Variants in CUX1 observed in about 807,000 individuals in gnomAD.
CUX1 encodes protein CASP.
A neutral mutation model predicts 158.8 loss-of-function variants in CUX1; 31 were observed. The ratio of observed to expected loss-of-function variants is 0.20; its 90% confidence interval spans 0.15 to 0.26. CUX1 has a LOEUF of 0.26. Ranked by LOEUF, CUX1 falls within the 10% of genes least tolerant of loss-of-function variation. The pLI is 1.00. For missense variants in CUX1, 1,589 were observed against 2,014.6 expected (o/e 0.79, Z 4.04); for synonymous variants, 879 against 862.1 (o/e 1.02, Z -0.34).
At chr7:102,026,646 C>A (rs1820057715) in intron 2 of CUX1, among the ~76,000 whole-genome samples, 2 of 151,326 alleles carry the variant, frequency 1.3e-5, no homozygotes, top group Admixed American at 6.6e-5. Flanking sequence ...ATGGTGAAAC[C>A]CCGTCTCTAC....
In CUX1 at chr7:102,257,640, C is replaced by G. The variant is rs1214952126; in HGVS notation, c.*8598C>G. 1.0e-6 allele frequency: 1 copy of G among 985,342 alleles called. No homozygotes were observed. The highest frequency in any genetic ancestry group is 6.1e-5 in the Admixed American group (1 of 16,270). 61.0% of individuals were successfully genotyped at this position (985,342 alleles called of 1,614,324 possible). A position where few individuals can be genotyped will look rare whatever the true frequency, so the allele number is the denominator to read the frequency against. ...TAGCACCACGCTCCTGTCCAGACTA[C>G]TAACAGCACAAGACGCACTCACAGG... On this transcript the variant is annotated 3_prime_UTR_variant, in exon 24 of 24. Coordinates refer to ENST00000292535, the MANE Select transcript of CUX1 (RefSeq NM_181552.4).
intron 2 of CUX1, among the ~76,000 whole-genome samples, chr7:102,025,854 G>A (rs373174332): frequency 1.2e-3 from 181 of 152,220 alleles, no homozygotes; most frequent in Non-Finnish European, 2.3e-3. Context: ...ACAAAATAAC[G>A]TGGGCTGTGA....
At chr7:102,281,860 C>A (rs1554549348) in exon 21 of CUX1, 2 of 1,613,380 alleles carry the variant, frequency 1.2e-6, no homozygotes, top group African/African-American at 2.7e-5. Flanking sequence ...TTCTCTCCAA[C>A]AAGATGGCGC....
At chr7:102,017,814 T>C (rs1173299765) in intron 2 of CUX1, among the ~76,000 whole-genome samples, 2 of 152,178 alleles carry the variant, frequency 1.3e-5, no homozygotes, top group East Asian at 1.9e-4. Flanking sequence ...ACCACTGCAC[T>C]CCAGCCTGGG....
chr7:101,820,076 A>C (rs1183913619), intron 1 of CUX1, among the ~76,000 whole-genome samples: 1 of 152,232 alleles, frequency 6.6e-6, no homozygotes, highest in African/African-American at 2.4e-5. Flanking sequence ...GGAGCTGTGA[A>C]GGAACAGTAG....
chr7:102,169,943 G>T (rs1331219354), intron 9 of CUX1, among the ~76,000 whole-genome samples: 2 of 152,194 alleles, frequency 1.3e-5, no homozygotes, highest in African/African-American at 4.8e-5. Context: ...CTTTACAAAA[G>T]CAGTGGCATT....
intron 3 of CUX1, among the ~76,000 whole-genome samples, chr7:102,048,222 C>G (rs1451607352): frequency 6.6e-6 from 1 of 152,124 alleles, no homozygotes; most frequent in Non-Finnish European, 1.5e-5. Context: ...TCCCCTCCAC[C>G]CTCTCCTGGT....
At chr7:102,166,131 G>A (rs906178238) in intron 9 of CUX1, among the ~76,000 whole-genome samples, 1 of 152,202 alleles carries the variant, frequency 6.6e-6, no homozygotes, top group Non-Finnish European at 1.5e-5. Context: ...CCATCGCCAG[G>A]TGATGGGCAT....
intron 1 of CUX1, among the ~76,000 whole-genome samples, chr7:101,833,021 C>T (rs1389023327): frequency 3.9e-5 from 6 of 152,064 alleles, no homozygotes; most frequent in African/African-American, 1.4e-4. Flanking sequence ...GGGCTGGTTC[C>T]CTGAGAGCAT....
chr7:102,211,323 G>A (rs547827955), intron 20 of CUX1, among the ~76,000 whole-genome samples: 1 of 152,110 alleles, frequency 6.6e-6, no homozygotes, highest in African/African-American at 2.4e-5. Context: ...GCTTGCACCT[G>A]TGATCCCTGC....
At chr7:102,015,689 A>G (rs1818504130) in intron 2 of CUX1, among the ~76,000 whole-genome samples, 1 of 152,196 alleles carries the variant, frequency 6.6e-6, no homozygotes, top group Non-Finnish European at 1.5e-5. Context: ...CAGACTGTAA[A>G]CAAGCTTTAT....
intron 20 of CUX1, among the ~76,000 whole-genome samples, chr7:102,219,886 G>A (rs1440202821): frequency 2.0e-5 from 3 of 152,246 alleles, no homozygotes; most frequent in Non-Finnish European, 4.4e-5. Context: ...TTCCGATGGA[G>A]ATTCAGCAGG....
chr7:102,148,033 T>C (rs1554502569), intron 8 of CUX1, among the ~76,000 whole-genome samples: 1 of 152,190 alleles, frequency 6.6e-6, no homozygotes, highest in East Asian at 1.9e-4. Context: ...CAGTATTTTG[T>C]GAGTACCTGC....
intron 1 of CUX1, among the ~76,000 whole-genome samples, chr7:101,839,423 A>T (rs989137480): frequency 6.6e-6 from 1 of 152,068 alleles, no homozygotes; most frequent in Non-Finnish European, 1.5e-5. Flanking sequence ...GCACCTCCAG[A>T]TCGCTTCCCA....
At chr7:102,198,017 G>C (rs998170388) in intron 15 of CUX1, among the ~76,000 whole-genome samples, 2 of 152,220 alleles carry the variant, frequency 1.3e-5, no homozygotes, top group African/African-American at 2.4e-5. Context: ...AGTTTGGGAG[G>C]CTGAGGTGGA....
At chr7:101,952,436 C>G (rs1424892257) in intron 2 of CUX1, among the ~76,000 whole-genome samples, 1 of 152,166 alleles carries the variant, frequency 6.6e-6, no homozygotes, top group Admixed American at 6.5e-5. Context: ...CCTGCTGAAT[C>G]AGAAAATACG....
chr7:102,064,181 C>T (rs531557222), intron 3 of CUX1, among the ~76,000 whole-genome samples: 8 of 151,978 alleles, frequency 5.3e-5, no homozygotes, highest in African/African-American at 1.5e-4. Context: ...TCTCTAGATC[C>T]GTCCTGGTTT....
intron 22 of CUX1, chr7:102,282,978 A>AAC: frequency 1.6e-6 from 2 of 1,218,296 alleles, no homozygotes; most frequent in Non-Finnish European, 2.2e-6. Context: ...CCCCTTCCCC[A>AAC]ACACACACAC....
chr7:101,893,820 T>C (rs1360031201), intron 1 of CUX1, among the ~76,000 whole-genome samples: 1 of 152,242 alleles, frequency 6.6e-6, no homozygotes, highest in Non-Finnish European at 1.5e-5. Flanking sequence ...TAATTTGCCA[T>C]AAAAATTTAT....
Sources: gnomAD v4.1 joint callset for allele counts (sites outside exome capture counted in the v4.1 genomes callset) on GRCh38, gnomAD v4.1.1 for gene constraint, MANE v1.5 for transcripts, NCBI Gene and HGNC (gene_info 2026-07-23, HGNC 2026-07-21) for gene names.